The following COP1 variants were observed in gnomAD, a reference collection of about 807,000 sequenced individuals.
COP1 encodes COP1 E3 ubiquitin ligase.
In COP1, 24 loss-of-function variants were observed where a neutral mutation model predicts 101.3. The observed-to-expected ratio is 0.24, with a 90% confidence interval of 0.17 to 0.33. The LOEUF is 0.33. Ranked by LOEUF, COP1 falls within the 10% of genes least tolerant of loss-of-function variation. The pLI, the probability that COP1 is intolerant of heterozygous loss-of-function variation, is 1.00. For synonymous variants in COP1, 347 were observed against 341.9 expected, an observed-to-expected ratio of 1.01 and a Z score of -0.17; for missense variants, 663 against 906.2, an observed-to-expected ratio of 0.73 and a Z score of 3.45.
Position 175,979,966 on chromosome 1 carries a change from T to C in COP1, c.2133+6977A>G, listed in dbSNP as rs564533624. Among the ~76,000 whole-genome samples, 380 of 152,286 alleles carry C rather than the reference T, an allele frequency of 2.5e-3. 2 individuals carry two copies. Among genetic ancestry groups the C allele is most frequent in the African/African-American group, 8.9e-3 (371 of 41,572 alleles). ...TATGTACAAACACGCTGTGTAATGC[T>C]AGGGGTAATTAAAAATATAATACTA... On this transcript the variant is annotated intron_variant, in intron 18 of 19. Transcript: ENST00000367669.
chr1:176,006,049 A>G (rs1158822244), intron 15 of COP1, among the ~76,000 whole-genome samples: 1 of 152,192 alleles, frequency 6.6e-6, no homozygotes, highest in African/African-American at 2.4e-5. Flanking sequence ...GGGTGCATAT[A>G]TATTTAGGAT....
chr1:175,992,024 T>A (rs1658626377), intron 15 of COP1, among the ~76,000 whole-genome samples: 1 of 152,252 alleles, frequency 6.6e-6, no homozygotes, highest in Non-Finnish European at 1.5e-5. Flanking sequence ...ATTTATTATC[T>A]TTATCAAGTA....
At chr1:175,947,572 G>A (rs1464584881) in intron 18 of COP1, among the ~76,000 whole-genome samples, 1 of 152,052 alleles carries the variant, frequency 6.6e-6, no homozygotes, top group Non-Finnish European at 1.5e-5. Flanking sequence ...GATTCTCCAT[G>A]TTGGTCAGGC....
chr1:175,945,922 C>G (rs1011042631), intron 19 of COP1, among the ~76,000 whole-genome samples: 1 of 152,166 alleles, frequency 6.6e-6, no homozygotes, highest in Non-Finnish European at 1.5e-5. Flanking sequence ...AACTAGGCTA[C>G]TTAACATAAG....
chr1:176,064,337 C>T (rs1213491458), intron 11 of COP1, among the ~76,000 whole-genome samples: 1 of 152,166 alleles, frequency 6.6e-6, no homozygotes, highest in Non-Finnish European at 1.5e-5. Context: ...AATGGACACA[C>T]TAGCATTTCC....
intron 6 of COP1, among the ~76,000 whole-genome samples, chr1:176,143,146 A>AGAGAGAGAGAGAGAGAGAGAG (rs1553286862): frequency 1.5e-5 from 1 of 66,570 alleles, no homozygotes; most frequent in African/African-American, 4.7e-5. Context: ...GAGCGAGAGA[A>AGAGAGAGAGAGAGAGAGAGAG]AGAGAGAGAG....
At chr1:176,003,983 G>A (rs1455197155) in intron 15 of COP1, among the ~76,000 whole-genome samples, 1 of 150,406 alleles carries the variant, frequency 6.6e-6, no homozygotes, top group African/African-American at 2.4e-5. Flanking sequence ...CAACCCATGA[G>A]CATGGAATGT....
intron 9 of COP1, among the ~76,000 whole-genome samples, chr1:176,110,969 T>C (rs370990996): frequency 6.2e-4 from 95 of 152,180 alleles, no homozygotes; most frequent in African/African-American, 2.2e-3. Flanking sequence ...CTGGCCAACA[T>C]GGTGAAACCC....
intron 1 of COP1, among the ~76,000 whole-genome samples, chr1:176,204,048 A>G (rs537025021): frequency 1.3e-5 from 2 of 152,256 alleles, no homozygotes; most frequent in African/African-American, 2.4e-5. Context: ...TTCTCCTCCA[A>G]TCTGTGCCGT....
chr1:176,140,967 T>TA (rs1553285113), intron 6 of COP1, among the ~76,000 whole-genome samples: 1 of 152,166 alleles, frequency 6.6e-6, no homozygotes, highest in African/African-American at 2.4e-5. Flanking sequence ...AAAGAGTAAG[T>TA]AAGTCTCAGA....
At chr1:176,052,202 A>ACC (rs1394095003) in intron 11 of COP1, among the ~76,000 whole-genome samples, 1 of 152,162 alleles carries the variant, frequency 6.6e-6, no homozygotes, top group Non-Finnish European at 1.5e-5. Context: ...TGTTAAAGCT[A>ACC]CCTACAGCAT....
At chr1:176,156,375 G>A (rs1367985355) in intron 5 of COP1, among the ~76,000 whole-genome samples, 3 of 152,076 alleles carry the variant, frequency 2.0e-5, no homozygotes, top group Admixed American at 6.6e-5. Flanking sequence ...AAAGGAGGAA[G>A]AAGTGATAAA....
intron 18 of COP1, among the ~76,000 whole-genome samples, chr1:175,956,755 AG>A (rs1650704691): frequency 6.6e-6 from 1 of 152,166 alleles, no homozygotes; most frequent in South Asian, 2.1e-4. Flanking sequence ...TCATTAATTT[AG>A]ATTATACTCC....
intron 11 of COP1, among the ~76,000 whole-genome samples, chr1:176,063,047 GTTTTTTTTT>G (rs34464104): frequency 1.1e-5 from 1 of 90,590 alleles, no homozygotes; most frequent in Non-Finnish European, 2.0e-5. Flanking sequence ...TTTTGAAAAT[GTTTTTTTTT>G]TTTTTTTTTT....
At position 176,159,731 on chromosome 1, in the gene COP1, ATTTATGCAAACTAC is replaced by A. The variant is rs1325058458; in HGVS notation, c.762+3124_762+3137del. ...ATGAAACCCTTTATATAAACCTCTAATTTATGCAAACTACTTTATATGGTTGTAGATACTAACAT... is the reference window on the plus strand; with the variant it reads ...ATGAAACCCTTTATATAAACCTCTAATTTATATGGTTGTAGATACTAACAT... On this transcript the variant is annotated intron_variant, in intron 5 of 19. Transcript: ENST00000367669. 4.6e-5 allele frequency among the ~76,000 whole-genome samples: 7 copies of A among 152,194 alleles called. 1 individual carries two copies. In the South Asian group the frequency reaches 1.4e-3, roughly 31 times the overall value.
At chr1:175,952,336 C>T (rs989926182) in intron 18 of COP1, among the ~76,000 whole-genome samples, 5 of 150,836 alleles carry the variant, frequency 3.3e-5, no homozygotes, top group African/African-American at 4.9e-5. Flanking sequence ...GTGGGAGAAT[C>T]GCTTGAACCT....
intron 9 of COP1, among the ~76,000 whole-genome samples, chr1:176,113,561 T>C (rs751135882): frequency 2.0e-5 from 3 of 152,254 alleles, no homozygotes; most frequent in South Asian, 2.1e-4. Flanking sequence ...GTAGTGTTAA[T>C]ATAAATGGTA....
chr1:176,002,884 G>C (rs938128982), intron 15 of COP1, among the ~76,000 whole-genome samples: 3 of 151,516 alleles, frequency 2.0e-5, no homozygotes, highest in Middle Eastern at 6.8e-3. Context: ...TAATGGGATG[G>C]CTGGGTCAAA....
rs768235093 is a variant in COP1, at chr1:175,947,216, A to G, written c.2157T>C (p.Ala719=). Reference sequence around the variant, plus strand: ...TTACCTTAATTGTACCCTGACTGTTAGCAGCAATCAGCACATTGGACTCCT... The same window carrying G: ...TTACCTTAATTGTACCCTGACTGTTGGCAGCAATCAGCACATTGGACTCCT... ...PDGESNVLIA[A]NSQGTIKVLE... Residue 719 remains alanine, a synonymous_variant, in exon 19 of 20, where the codon GCT becomes GCC. Coordinates refer to ENST00000367669, the MANE Select transcript of COP1 (RefSeq NM_022457.7). The G allele has an allele frequency of 1.2e-6, 2 of 1,610,534 alleles. No homozygotes were observed. The highest frequency in any genetic ancestry group is 1.7e-6 in the Non-Finnish European group (2 of 1,176,738).
Sources: allele counts gnomAD v4.1 joint callset (sites outside exome capture counted in the v4.1 genomes callset), GRCh38; gene constraint gnomAD v4.1.1; transcripts MANE v1.5; gene names NCBI Gene and HGNC (gene_info 2026-07-23, HGNC 2026-07-21).